RAPGEF5: variants seen among roughly 807,000 people sequenced by gnomAD.
RAPGEF5 encodes the protein M-Ras-regulated GEF.
RAPGEF5 carries 65 observed loss-of-function variants against 125.2 expected under a neutral mutation model. The ratio of observed to expected loss-of-function variants is 0.52; its 90% CI spans 0.43 to 0.64. The LOEUF (loss-of-function observed/expected upper bound fraction) is 0.64. Ranked by LOEUF, RAPGEF5 falls within the 30% of genes least tolerant of loss-of-function variation. The probability of loss-of-function intolerance (pLI) is 0.00; values close to 1 mark genes in which losing one functional copy is unlikely to be tolerated. For missense variants in RAPGEF5, 958 were observed against 1,048.1 expected (o/e 0.91, Z 1.19); for synonymous variants, 391 against 385.9 (o/e 1.01, Z -0.16).
chr7:22,356,789 C>T, intron 1 of RAPGEF5, 41 bp downstream of exon 1: 1 of 1,095,882 alleles, frequency 9.1e-7, no homozygotes, highest in Non-Finnish European at 1.1e-6. Context: ...GCTCCACGTG[C>T]GCGCCGCCCG....
chr7:22,165,925 C>T (rs1784146602), intron 12 of RAPGEF5, among the ~76,000 whole-genome samples: 1 of 151,624 alleles, frequency 6.6e-6, no homozygotes, highest in South Asian at 2.1e-4. Context: ...AAGTAATCCT[C>T]CTCCCTCAGC....
intron 7 of RAPGEF5, among the ~76,000 whole-genome samples, chr7:22,245,209 T>A (rs1332493562): frequency 6.6e-6 from 1 of 152,252 alleles, no homozygotes; most frequent in Non-Finnish European, 1.5e-5. Flanking sequence ...TGTTGGCTAT[T>A]AACACCTTAT....
intron 21 of RAPGEF5, among the ~76,000 whole-genome samples, chr7:22,137,791 C>T (rs1431995055): frequency 6.6e-6 from 1 of 152,130 alleles, no homozygotes; most frequent in Non-Finnish European, 1.5e-5. Flanking sequence ...CGGTCCTTGG[C>T]TGGTACTTAA....
intron 7 of RAPGEF5, among the ~76,000 whole-genome samples, chr7:22,251,343 C>T (rs1303554865): frequency 6.6e-6 from 1 of 152,152 alleles, no homozygotes; most frequent in African/African-American, 2.4e-5. Flanking sequence ...CAGAATTTGT[C>T]AGATACAGCG....
chr7:22,334,114 C>T (rs1385096201), intron 1 of RAPGEF5, among the ~76,000 whole-genome samples: 2 of 150,718 alleles, frequency 1.3e-5, no homozygotes, highest in Non-Finnish European at 3.0e-5. Flanking sequence ...TTTCCAGTAT[C>T]GCCAATCCAC....
intron 1 of RAPGEF5, among the ~76,000 whole-genome samples, chr7:22,333,300 G>A (rs140826882): frequency 5.9e-5 from 9 of 152,196 alleles, no homozygotes; most frequent in African/African-American, 1.9e-4. Context: ...GAAAGAGAGA[G>A]GGCAACACTA....
intron 7 of RAPGEF5, among the ~76,000 whole-genome samples, chr7:22,246,434 C>G (rs972213615): frequency 6.6e-6 from 1 of 152,048 alleles, no homozygotes; most frequent in Admixed American, 6.6e-5. Flanking sequence ...CACACCTACA[C>G]CCATCTGATC....
chr7:22,266,916 C>T (rs1158656880), intron 7 of RAPGEF5, 48 bp downstream of exon 7: 3 of 1,542,788 alleles, frequency 1.9e-6, no homozygotes, highest in South Asian at 2.2e-5. Context: ...ATGTGAAATA[C>T]CCCCAAAGAA....
At chr7:22,123,045 GA>G (rs572159482) in intron 25 of RAPGEF5, among the ~76,000 whole-genome samples, 7 of 150,742 alleles carry the variant, frequency 4.6e-5, no homozygotes, top group South Asian at 2.1e-4. Context: ...TCATTTTTTG[GA>G]AAAAAAAATT....
chr7:22,198,263 C>T (rs1020929918), intron 9 of RAPGEF5, among the ~76,000 whole-genome samples: 1 of 152,216 alleles, frequency 6.6e-6, no homozygotes, highest in Non-Finnish European at 1.5e-5. Flanking sequence ...GATCGTCAAA[C>T]TCTGCTGGTG....
intron 6 of RAPGEF5, among the ~76,000 whole-genome samples, chr7:22,272,032 G>A (rs17712784): frequency 0.12 from 17,586 of 151,980 alleles, 1,143 homozygotes; most frequent in Admixed American, 0.15. Flanking sequence ...AGCAAGGTAT[G>A]AAGCTCAATT....
chr7:22,180,349 T>C (rs1784636511), intron 11 of RAPGEF5, among the ~76,000 whole-genome samples: 1 of 152,160 alleles, frequency 6.6e-6, no homozygotes, highest in African/African-American at 2.4e-5. Context: ...CCAGCTTCAC[T>C]TGCAGCTAGA....
At chr7:22,150,368 T>C in intron 18 of RAPGEF5, 39 bp downstream of exon 18, 2 of 1,586,064 alleles carry the variant, frequency 1.3e-6, no homozygotes, top group Non-Finnish European at 8.6e-7. Flanking sequence ...CCACCTCGCC[T>C]GGCCTGTTTG....
chr7:22,356,230 G>T, intron 1 of RAPGEF5: 1 of 985,464 alleles, frequency 1.0e-6, no homozygotes, highest in Non-Finnish European at 1.2e-6. Context: ...AATATTGAAG[G>T]TTCTTGGGGG....
intron 9 of RAPGEF5, among the ~76,000 whole-genome samples, chr7:22,200,539 A>G (rs535503476): frequency 4.1e-4 from 63 of 152,208 alleles, no homozygotes; most frequent in Non-Finnish European, 7.6e-4. Context: ...ATTAAGATTA[A>G]TAACTCTAAT....
At chr7:22,209,485 A>G (rs12700358) in intron 9 of RAPGEF5, among the ~76,000 whole-genome samples, 2 of 152,042 alleles carry the variant, frequency 1.3e-5, no homozygotes, top group Non-Finnish European at 2.9e-5. Context: ...TTAGAGAGGA[A>G]AGTATTATGT....
intron 7 of RAPGEF5, among the ~76,000 whole-genome samples, chr7:22,253,133 T>C (rs751467352): frequency 1.9e-4 from 29 of 152,330 alleles, no homozygotes; most frequent in Admixed American, 7.2e-4. Context: ...AGACAGATTT[T>C]ACAAACTTCA....
chr7:22,130,844 T>C, intron 24 of RAPGEF5, 193 bp downstream of exon 24: 1 of 698,634 alleles, frequency 1.4e-6, no homozygotes, highest in South Asian at 1.9e-5. Flanking sequence ...ATACTTGTTG[T>C]TAATTGGAAT....
Position 22,274,027 on chromosome 7 carries a change from TC to T in RAPGEF5, c.748-7016del, listed in dbSNP as rs1488440125. ...TCTGCACAACTTGACTATTACTCAC[TC>T]CCTTTTTCTTAACCATTGGGATTCC... On this transcript the variant is annotated intron_variant, in intron 6 of 25. Transcript: ENST00000665637. Among the ~76,000 whole-genome samples the T allele has an allele frequency of 2.6e-5, 4 of 152,268 alleles. No homozygotes were observed. In the East Asian group the frequency reaches 7.7e-4, roughly 29 times the overall value.
Sources: gnomAD v4.1 joint callset for allele counts (sites outside exome capture counted in the v4.1 genomes callset) on GRCh38, gnomAD v4.1.1 for gene constraint, MANE v1.5 for transcripts, NCBI Gene and HGNC (gene_info 2026-07-23, HGNC 2026-07-21) for gene names.